The following STX7 variants were observed in gnomAD, a reference collection of about 807,000 sequenced individuals.
STX7 encodes syntaxin 7.
In STX7, 34 loss-of-function variants were observed where a neutral mutation model predicts 39.6. That is an observed-to-expected ratio of 0.86 (90% CI 0.65 to 1.14). The LOEUF is 1.14. Ranked by LOEUF, STX7 falls within the 50% of genes most tolerant of loss-of-function variation. STX7 has a pLI of 0.00. For missense variants in STX7, 284 were observed against 310.4 expected (o/e 0.92, Z 0.64); for synonymous variants, 119 against 99.1 (o/e 1.20, Z -1.19).
chr6:132,480,609 C>T (rs958759175), intron 2 of STX7, among the ~76,000 whole-genome samples: 2 of 152,128 alleles, frequency 1.3e-5, no homozygotes, highest in African/African-American at 4.8e-5. Flanking sequence ...TACGCTCATA[C>T]ACAAGTAAAA....
intron 2 of STX7, among the ~76,000 whole-genome samples, chr6:132,502,909 AG>A (rs753784141): frequency 2.0e-5 from 3 of 152,142 alleles, no homozygotes; most frequent in East Asian, 3.9e-4. Flanking sequence ...AAAAAAAAAA[AG>A]AATATGTGGG....
rs766240725 is a variant in STX7, at chr6:132,461,821, T to G, written c.694-971A>C. On this transcript the variant is annotated intron_variant, in intron 9 of 9. Coordinates refer to ENST00000367941, the MANE Select transcript of STX7 (RefSeq NM_003569.3). ...CTGGTTCAGTTGTAGATTTCTTTAA[T>G]GGCGTTTGTACCTCACATCAACATG... is the stretch of plus-strand genomic sequence containing the variant. 1.6e-5 allele frequency: 25 copies of G among 1,532,934 alleles called. No individual in the cohort carries two copies. In the South Asian group the frequency reaches 2.9e-4, roughly 18 times the overall value. 95.0% of individuals were successfully genotyped at this position (1,532,934 alleles called of 1,614,324 possible).
chr6:132,504,321 G>A (rs1775645600), intron 1 of STX7, among the ~76,000 whole-genome samples: 2 of 152,140 alleles, frequency 1.3e-5, no homozygotes, highest in Non-Finnish European at 2.9e-5. Context: ...ACAGAGGAAG[G>A]AGAACGAATG....
intron 1 of STX7, among the ~76,000 whole-genome samples, chr6:132,504,681 C>G (rs764435483): frequency 6.6e-6 from 1 of 152,126 alleles, no homozygotes; most frequent in Non-Finnish European, 1.5e-5. Flanking sequence ...CTGCTCAAAT[C>G]AAGTTTGTCA....
chr6:132,493,623 C>T lies in STX7; in HGVS notation c.85+9823G>A, dbSNP rs986064455. Among the ~76,000 whole-genome samples the T allele has an allele frequency of 2.0e-5, 3 of 152,178 alleles. No homozygotes were observed. In the East Asian group the frequency reaches 5.8e-4, roughly 29 times the overall value. Reference sequence around the variant, plus strand: ...TCCCCAGCCATGTGGAAATGTGATCCATTACACCTCTTTTTCTTTATAAGC... The same window carrying T: ...TCCCCAGCCATGTGGAAATGTGATCTATTACACCTCTTTTTCTTTATAAGC... On this transcript the variant is annotated intron_variant, in intron 2 of 9. Coordinates refer to ENST00000367941, the MANE Select transcript of STX7 (RefSeq NM_003569.3).
At chr6:132,473,516 TG>T (rs1774789779) in intron 3 of STX7, among the ~76,000 whole-genome samples, 1 of 103,564 alleles carries the variant, frequency 9.7e-6, no homozygotes, top group Admixed American at 1.1e-4. Flanking sequence ...TTTATTATTG[TG>T]TTGTTTTTTT....
Position 132,461,942 on chromosome 6 carries a change from T to C in STX7, c.694-1092A>G. On this transcript the variant is annotated intron_variant, in intron 9 of 9. Coordinates refer to ENST00000367941, the MANE Select transcript of STX7 (RefSeq NM_003569.3). ...ATTTATAAAAAGATACATTTCTGAG[T>C]CTGAAATTACACTGAAAACCATAAA... 3 of 1,301,132 alleles carry C rather than the reference T, an allele frequency of 2.3e-6. No homozygotes were observed. The Middle Eastern group carries it at 6.1e-4, about 267-fold the overall frequency. The allele number at this position is 1,301,132 out of a possible 1,614,324, so 80.6% of individuals were successfully genotyped here.
chr6:132,496,203 A>G (rs1305231283), intron 2 of STX7, among the ~76,000 whole-genome samples: 2 of 152,050 alleles, frequency 1.3e-5, no homozygotes, highest in South Asian at 2.1e-4. Flanking sequence ...TTTCCAATAT[A>G]TCTGTTTTAT....
Position 132,470,602 on chromosome 6 carries a change from T to C in STX7, c.412A>G (p.Lys138Glu). 2 of 1,609,260 alleles carry C rather than the reference T, an allele frequency of 1.2e-6. No individual in the cohort carries two copies. The highest frequency in any genetic ancestry group is 1.7e-6 in the Non-Finnish European group (2 of 1,176,998). ...VSGSFPEDSS[K>E]ERNLVSWESQ... ...TCCCAGGATACAAGATTCCTTTCTT[T>C]TGAGCTGTCCTCAGGAAAACTGCCC... The change falls in exon 6 of 10, where the codon AAA becomes GAA. Residue 138 changes from lysine (K) to glutamate (E), a missense_variant. Physicochemically the swap from Lys to Glu is moderately conservative, Grantham distance 56. Transcript: ENST00000367941.
chr6:132,496,027 C>T (rs1775413488), intron 2 of STX7, among the ~76,000 whole-genome samples: 1 of 152,028 alleles, frequency 6.6e-6, no homozygotes, highest in African/African-American at 2.4e-5. Flanking sequence ...TTTCAGTCAC[C>T]TTCTCTTAGC....
chr6:132,510,288 A>G (rs1360938668), intron 1 of STX7, among the ~76,000 whole-genome samples: 1 of 152,222 alleles, frequency 6.6e-6, no homozygotes, highest in Non-Finnish European at 1.5e-5. Context: ...TGGATATGCT[A>G]ATTACCCTGA....
At chr6:132,510,761 T>C (rs1304263220) in intron 1 of STX7, among the ~76,000 whole-genome samples, 2 of 151,928 alleles carry the variant, frequency 1.3e-5, no homozygotes, top group African/African-American at 4.8e-5. Flanking sequence ...ACAAACACTA[T>C]AAAGAGAAAA....
intron 1 of STX7, among the ~76,000 whole-genome samples, chr6:132,506,115 T>G (rs1464971800): frequency 6.6e-6 from 1 of 151,482 alleles, no homozygotes; most frequent in Non-Finnish European, 1.5e-5. Context: ...GATTAAAGAC[T>G]TAAAAGTAAT....
chr6:132,510,117 A>C (rs1028928972), intron 1 of STX7, among the ~76,000 whole-genome samples: 1 of 152,264 alleles, frequency 6.6e-6, no homozygotes, highest in African/African-American at 2.4e-5. Context: ...TGGTTAACTA[A>C]CACCAAAATA....
intron 1 of STX7, among the ~76,000 whole-genome samples, chr6:132,508,022 T>C (rs1273034627): frequency 2.0e-5 from 3 of 152,242 alleles, no homozygotes; most frequent in Non-Finnish European, 4.4e-5. Flanking sequence ...ATTTCTACTT[T>C]GGGCAAGACA....
intron 7 of STX7, 35 bp from the exon 8 acceptor site, chr6:132,468,510 A>T: frequency 1.3e-6 from 2 of 1,537,142 alleles, no homozygotes; most frequent in Non-Finnish European, 1.8e-6. Context: ...ATAATCAGAA[A>T]TTCAGTCCCC....
At chr6:132,474,972 G>C (rs1162419126) in intron 3 of STX7, among the ~76,000 whole-genome samples, 1 of 152,032 alleles carries the variant, frequency 6.6e-6, no homozygotes, top group Non-Finnish European at 1.5e-5. Context: ...TAAAACTCTG[G>C]TGACTGCGGG....
chr6:132,478,605 C>T (rs1030490039), intron 2 of STX7, among the ~76,000 whole-genome samples: 1 of 152,176 alleles, frequency 6.6e-6, no homozygotes, highest in African/African-American at 2.4e-5. Context: ...AGTGGACATG[C>T]CTCTCATTCC....
At chr6:132,491,994 T>A (rs539286271) in intron 2 of STX7, among the ~76,000 whole-genome samples, 1 of 152,322 alleles carries the variant, frequency 6.6e-6, no homozygotes, top group East Asian at 1.9e-4. Flanking sequence ...AAAATTCTGG[T>A]TGAGTCCAAC....
Sources: allele counts gnomAD v4.1 joint callset (sites outside exome capture counted in the v4.1 genomes callset), GRCh38; gene constraint gnomAD v4.1.1; transcripts MANE v1.5; gene names NCBI Gene and HGNC (gene_info 2026-07-23, HGNC 2026-07-21).